The following EDA variants were observed in gnomAD, a reference collection of about 807,000 sequenced individuals.
The protein encoded by EDA is ectodysplasin-A.
Under a neutral mutation model 23.6 loss-of-function variants are expected in EDA, and 2 were observed. That is an observed-to-expected ratio of 0.08 (90% CI 0.03 to 0.27). The LOEUF (loss-of-function observed/expected upper bound fraction) is 0.27, where lower values mean the gene tolerates loss of function less well. EDA is among the 10% of genes least tolerant of loss of function. EDA has a pLI of 1.00. For synonymous variants in EDA, 131 were observed against 132.0 expected, an observed-to-expected ratio of 0.99 and a Z score of 0.05; for missense variants, 229 against 324.2, an observed-to-expected ratio of 0.71 and a Z score of 2.26.
At chrX:69,757,436 G>T (rs1293780582) in intron 1 of EDA, among the ~76,000 whole-genome samples, 1 of 111,963 alleles carries the variant, frequency 8.9e-6, no homozygotes, top group East Asian at 2.8e-4. Context: ...GAATAATATT[G>T]ATTGCATGAT....
At chrX:69,837,819 C>A (rs772213424) in intron 1 of EDA, among the ~76,000 whole-genome samples, 1 of 112,446 alleles carries the variant, frequency 8.9e-6, no homozygotes, top group African/African-American at 3.2e-5. Flanking sequence ...GGACCCAGAG[C>A]TGCATGAATT....
chrX:70,017,076 A>C (rs2019961199), intron 2 of EDA, among the ~76,000 whole-genome samples: 1 of 111,525 alleles, frequency 9.0e-6, no homozygotes, highest in Non-Finnish European at 1.9e-5. Context: ...ACTATCAAAA[A>C]CACCTCTATG....
intron 1 of EDA, among the ~76,000 whole-genome samples, chrX:69,654,009 A>T (rs1933203466): frequency 9.0e-6 from 1 of 111,694 alleles, no homozygotes; most frequent in Admixed American, 9.5e-5. Flanking sequence ...CAGAGTGAAC[A>T]GGCAACCTAC....
intron 1 of EDA, among the ~76,000 whole-genome samples, chrX:69,840,032 T>C (rs2016862564): frequency 8.9e-6 from 1 of 112,244 alleles, no homozygotes; most frequent in Admixed American, 9.4e-5. Context: ...TCCAACCTCT[T>C]TTCCATCAAC....
Position 70,035,236 on chromosome X carries a change from T to C in EDA, c.925-122T>C. On this transcript the variant is annotated intron_variant, in intron 7 of 7. Coordinates refer to ENST00000374552, the MANE Select transcript of EDA (RefSeq NM_001399.5). The stretch of plus-strand genomic sequence containing the variant: ...CAGCTAGCACGCCTTCACATGGCAC[T>C]GCCCCATCCATGGGGTATACTAACA... The C allele has an allele frequency of 4.8e-6, 4 of 839,650 alleles. No individual in the cohort carries two copies. The East Asian group carries it at 1.0e-4, about 22-fold the overall frequency. 69.2% of individuals were successfully genotyped at this position (839,650 alleles called of 1,213,427 possible). A position where few individuals can be genotyped will look rare whatever the true frequency, so the allele number is the denominator to read the frequency against.
In EDA at chrX:70,027,822, C is replaced by CA. The variant is rs11426919; in HGVS notation, c.527-25dup. The CA allele has an allele frequency of 0.027, 15,543 of 566,813 alleles. 1,182 individuals are homozygous for CA. In the African/African-American group the frequency reaches 0.29, roughly 10 times the overall value. The allele number at this position is 566,813 out of a possible 1,213,427, so 46.7% of individuals were successfully genotyped here. A position where few individuals can be genotyped will look rare whatever the true frequency, so the allele number is the denominator to read the frequency against. ...TGGGCAACAGAGCAGGACTCCGTCTCAAAAAAAAAAGTAACACTGAATCCT... is the reference window on the plus strand; with the variant it reads ...TGGGCAACAGAGCAGGACTCCGTCTCAAAAAAAAAAAGTAACACTGAATCCT... On this transcript the variant is annotated intron_variant, in intron 3 of 7. Coordinates refer to ENST00000374552, the MANE Select transcript of EDA (RefSeq NM_001399.5).
intron 1 of EDA, among the ~76,000 whole-genome samples, chrX:69,763,646 A>G (rs932835258): frequency 8.9e-6 from 1 of 112,040 alleles, no homozygotes; most frequent in African/African-American, 3.2e-5. Flanking sequence ...GGCTTGATAA[A>G]TTATGTTTGG....
chrX:69,979,611 T>C (rs1467950367), intron 2 of EDA, among the ~76,000 whole-genome samples: 1 of 112,124 alleles, frequency 8.9e-6, no homozygotes, highest in Non-Finnish European at 1.9e-5. Flanking sequence ...TATCTCACTG[T>C]AGTTTTCATT....
chrX:69,718,180 C>T (rs926641816), intron 1 of EDA, among the ~76,000 whole-genome samples: 1 of 112,097 alleles, frequency 8.9e-6, no homozygotes, highest in Admixed American at 9.5e-5. Context: ...GGTAAACTCA[C>T]TTATAGATTC....
intron 1 of EDA, among the ~76,000 whole-genome samples, chrX:69,703,657 C>T (rs2011603206): frequency 9.0e-6 from 1 of 111,653 alleles, no homozygotes; most frequent in African/African-American, 3.3e-5. Flanking sequence ...AGTACCCTGA[C>T]GGCCTCTCTC....
chrX:69,675,982 T>C (rs989309190), intron 1 of EDA, among the ~76,000 whole-genome samples: 10 of 110,711 alleles, frequency 9.0e-5, no homozygotes, highest in Non-Finnish European at 5.7e-5. Context: ...GCAGAAGAAG[T>C]AGCAAATGTA....
intron 1 of EDA, among the ~76,000 whole-genome samples, chrX:69,625,761 C>T (rs1256101845): frequency 9.3e-6 from 1 of 108,043 alleles, no homozygotes; most frequent in Non-Finnish European, 1.9e-5. Context: ...TAAGATCTTG[C>T]AGAGCAAAGA....
chrX:70,002,267 G>T (rs2019750042), intron 2 of EDA, among the ~76,000 whole-genome samples: 1 of 109,650 alleles, frequency 9.1e-6, no homozygotes, highest in Non-Finnish European at 1.9e-5. Context: ...TATTCATAGT[G>T]TTAAGGTTTC....
intron 1 of EDA, among the ~76,000 whole-genome samples, chrX:69,741,196 T>TA (rs1229891406): frequency 1.8e-5 from 2 of 111,105 alleles, no homozygotes; most frequent in African/African-American, 6.5e-5. Context: ...TGAGCTTCCC[T>TA]AAGACAGTTT....
At chrX:69,766,809 G>C (rs1047829811) in intron 1 of EDA, among the ~76,000 whole-genome samples, 3 of 112,517 alleles carry the variant, frequency 2.7e-5, no homozygotes, top group Admixed American at 9.4e-5. Context: ...TATATACCCA[G>C]TAATGGGACT....
chrX:69,673,940 G>C, intron 1 of EDA, among the ~76,000 whole-genome samples: 1 of 111,482 alleles, frequency 9.0e-6, no homozygotes, highest in South Asian at 3.8e-4. Context: ...CTTTGTCTTT[G>C]GACATGGTCA....
chrX:69,721,211 A>T (rs2147343892), intron 1 of EDA, among the ~76,000 whole-genome samples: 1 of 111,667 alleles, frequency 9.0e-6, no homozygotes, highest in Non-Finnish European at 1.9e-5. Flanking sequence ...TGGAAGAAGG[A>T]AGGGCATGGT....
chrX:69,809,055 A>G (rs1421487613), intron 1 of EDA, among the ~76,000 whole-genome samples: 3 of 111,470 alleles, frequency 2.7e-5, no homozygotes, highest in African/African-American at 9.8e-5. Context: ...TTACTATTTT[A>G]ACCTGATGGT....
intron 2 of EDA, among the ~76,000 whole-genome samples, chrX:70,012,560 T>C (rs1270380522): frequency 1.8e-5 from 2 of 112,782 alleles, no homozygotes; most frequent in Admixed American, 9.3e-5. Flanking sequence ...GCTGAAATGA[T>C]GTACTTATTA....
Sources: gnomAD v4.1 joint callset for allele counts (sites outside exome capture counted in the v4.1 genomes callset) on GRCh38, gnomAD v4.1.1 for gene constraint, MANE v1.5 for transcripts, NCBI Gene and HGNC (gene_info 2026-07-23, HGNC 2026-07-21) for gene names.